The following PDLIM5 variants were observed in gnomAD, a reference collection of about 807,000 sequenced individuals.
The protein encoded by PDLIM5 is PDZ and LIM domain protein 5.
Under a neutral mutation model 64.2 loss-of-function variants are expected in PDLIM5, and 34 were observed. That is an observed-to-expected ratio of 0.53 (90% CI 0.40 to 0.71). The LOEUF is 0.71. PDLIM5 is among the 30% of genes least tolerant of loss of function. The pLI is 0.00. For missense variants in PDLIM5, 683 were observed against 733.6 expected (o/e 0.93, Z 0.80); for synonymous variants, 253 against 269.1 (o/e 0.94, Z 0.59).
At chr4:94,527,782 C>T (rs1366377721) in intron 3 of PDLIM5, among the ~76,000 whole-genome samples, 1 of 152,194 alleles carries the variant, frequency 6.6e-6, no homozygotes, top group Non-Finnish European at 1.5e-5. Context: ...TACCCCCTTC[C>T]TTGTATTTGT....
intron 8 of PDLIM5, among the ~76,000 whole-genome samples, chr4:94,619,118 C>T (rs1739015621): frequency 6.6e-6 from 1 of 152,286 alleles, no homozygotes; most frequent in East Asian, 1.9e-4. Flanking sequence ...TCCACTCAGT[C>T]ACCAAAGCTA....
At chr4:94,595,052 A>C (rs1736959121) in intron 7 of PDLIM5, among the ~76,000 whole-genome samples, 1 of 152,124 alleles carries the variant, frequency 6.6e-6, no homozygotes, top group Non-Finnish European at 1.5e-5. Context: ...ACATCTTCAC[A>C]ATGGTGGAGC....
At chr4:94,545,274 G>A (rs1434487659) in intron 3 of PDLIM5, among the ~76,000 whole-genome samples, 2 of 152,180 alleles carry the variant, frequency 1.3e-5, no homozygotes, top group Admixed American at 6.5e-5. Flanking sequence ...CACAAATGAT[G>A]GAGCCTGCTC....
chr4:94,491,595 T>C (rs1726878486), intron 2 of PDLIM5, among the ~76,000 whole-genome samples: 1 of 152,048 alleles, frequency 6.6e-6, no homozygotes, highest in South Asian at 2.1e-4. Context: ...AAGCATCAGC[T>C]GTGTTGATTT....
chr4:94,556,553 CCT>C (rs1733346979), intron 3 of PDLIM5, among the ~76,000 whole-genome samples: 1 of 152,192 alleles, frequency 6.6e-6, no homozygotes, highest in Admixed American at 6.5e-5. Context: ...TTCTCCCCAT[CCT>C]CTCTAGCACC....
chr4:94,558,831 G>T (rs1017759485), intron 3 of PDLIM5, among the ~76,000 whole-genome samples: 1 of 151,806 alleles, frequency 6.6e-6, no homozygotes, highest in Admixed American at 6.6e-5. Flanking sequence ...TTGCAGGGAG[G>T]GGGGTTAGTA....
chr4:94,589,181 G>C (rs773164833), intron 7 of PDLIM5, among the ~76,000 whole-genome samples: 11 of 152,276 alleles, frequency 7.2e-5, no homozygotes, highest in Admixed American at 3.3e-4. Flanking sequence ...GTGTGGTAGA[G>C]TAAACATGGT....
chr4:94,665,888 C>A lies in PDLIM5; in HGVS notation c.*1821C>A. The A allele has an allele frequency of 7.0e-7, 1 of 1,420,766 alleles. No homozygotes were observed. Among genetic ancestry groups the A allele is most frequent in the Non-Finnish European group, 9.1e-7 (1 of 1,093,948 alleles). 88.0% of individuals were successfully genotyped at this position (1,420,766 alleles called of 1,614,324 possible). On this transcript the variant is annotated 3_prime_UTR_variant, in exon 13 of 13. Coordinates refer to ENST00000317968, the MANE Select transcript of PDLIM5 (RefSeq NM_006457.5). ...TCAGATTGGCCTGTTATTTGATTTCCTCCTTTGGGAAAAGAATTATGTAGA... is the reference window on the plus strand; with the variant it reads ...TCAGATTGGCCTGTTATTTGATTTCATCCTTTGGGAAAAGAATTATGTAGA...
At chr4:94,640,758 AG>A (rs1229280244) in intron 9 of PDLIM5, among the ~76,000 whole-genome samples, 1 of 152,156 alleles carries the variant, frequency 6.6e-6, no homozygotes, top group Non-Finnish European at 1.5e-5. Flanking sequence ...TAAGACTCAA[AG>A]GGACCCTGAA....
intron 3 of PDLIM5, among the ~76,000 whole-genome samples, chr4:94,560,815 C>T (rs1163849928): frequency 6.6e-6 from 1 of 152,176 alleles, no homozygotes; most frequent in Non-Finnish European, 1.5e-5. Flanking sequence ...CATGCTCCAC[C>T]TCCCGGGTTC....
intron 2 of PDLIM5, chr4:94,455,842 GC>G: frequency 7.0e-7 from 1 of 1,421,258 alleles, no homozygotes; most frequent in Non-Finnish European, 9.6e-7. Flanking sequence ...GGAGGTGATA[GC>G]CAACAGTAAG....
chr4:94,627,612 G>A (rs1739802705), intron 8 of PDLIM5, among the ~76,000 whole-genome samples: 1 of 152,156 alleles, frequency 6.6e-6, no homozygotes, highest in South Asian at 2.1e-4. Context: ...AAACAGCTAC[G>A]GTACGGTTGT....
intron 7 of PDLIM5, among the ~76,000 whole-genome samples, chr4:94,609,276 G>A (rs1332296960): frequency 2.0e-5 from 3 of 152,108 alleles, no homozygotes; most frequent in Non-Finnish European, 4.4e-5. Context: ...AAATGAAGAA[G>A]AGAGACTACA....
chr4:94,566,866 G>A (rs1455883264), intron 3 of PDLIM5, among the ~76,000 whole-genome samples: 2 of 152,314 alleles, frequency 1.3e-5, no homozygotes, highest in South Asian at 2.1e-4. Context: ...CTTTATGAAA[G>A]TTTTCCGGAA....
chr4:94,465,455 C>A (rs1347455106), intron 2 of PDLIM5, among the ~76,000 whole-genome samples: 1 of 152,150 alleles, frequency 6.6e-6, no homozygotes. Context: ...GGCTGTAGTG[C>A]AGTGGCATGA....
At chr4:94,470,197 C>G (rs915083306) in intron 2 of PDLIM5, among the ~76,000 whole-genome samples, 4 of 152,068 alleles carry the variant, frequency 2.6e-5, no homozygotes, top group African/African-American at 9.7e-5. Context: ...ATCTCCTGAC[C>G]TCGTGATCCG....
chr4:94,523,957 T>A, intron 3 of PDLIM5, 82 bp downstream of exon 3: 1 of 933,696 alleles, frequency 1.1e-6, no homozygotes, highest in Non-Finnish European at 1.7e-6. Flanking sequence ...CGGTGTTAAC[T>A]AAGACTCAGT....
intron 2 of PDLIM5, among the ~76,000 whole-genome samples, chr4:94,490,437 A>G (rs756472621): frequency 6.6e-6 from 1 of 152,142 alleles, no homozygotes; most frequent in African/African-American, 2.4e-5. Context: ...TCCATACACT[A>G]TGTATTATTT....
At chr4:94,496,404 A>AT (rs1239781886) in intron 2 of PDLIM5, among the ~76,000 whole-genome samples, 1 of 152,194 alleles carries the variant, frequency 6.6e-6, no homozygotes, top group Admixed American at 6.5e-5. Flanking sequence ...AGGTTGAATC[A>AT]TTTGGGGGCT....
Sources: allele counts gnomAD v4.1 joint callset (sites outside exome capture counted in the v4.1 genomes callset), GRCh38; gene constraint gnomAD v4.1.1; transcripts MANE v1.5; gene names NCBI Gene and HGNC (gene_info 2026-07-23, HGNC 2026-07-21).